The following TMEM135 variants were observed in gnomAD, a reference collection of about 807,000 sequenced individuals.
TMEM135 encodes the protein transmembrane protein 135.
A neutral mutation model predicts 60.3 loss-of-function variants in TMEM135; 30 were observed. The observed-to-expected ratio is 0.50, with a 90% CI of 0.37 to 0.68. TMEM135 has a LOEUF of 0.68. Ranked by LOEUF, TMEM135 falls within the 30% of genes least tolerant of loss-of-function variation. The pLI is 0.00. For synonymous variants in TMEM135, 190 were observed against 186.7 expected, an observed-to-expected ratio of 1.02 and a Z score of -0.14; for missense variants, 468 against 548.8, an observed-to-expected ratio of 0.85 and a Z score of 1.47.
At position 87,193,678 on chromosome 11, in the gene TMEM135, A is replaced by G. The variant is rs1034316550; in HGVS notation, c.462+36272A>G. 2.6e-5 allele frequency among the ~76,000 whole-genome samples: 4 copies of G among 150,948 alleles called. No homozygotes were observed. The East Asian group carries it at 5.8e-4, about 22-fold the overall frequency. On this transcript the variant is annotated intron_variant, in intron 5 of 14. Transcript: ENST00000305494. ...TGTAATCAGAAATAAAGAATTAAGA[A>G]CTCAGTTAGGTTTTTTAAATTTTTT...
At chr11:87,178,783 TG>T (rs1462430398) in intron 5 of TMEM135, among the ~76,000 whole-genome samples, 1 of 152,122 alleles carries the variant, frequency 6.6e-6, no homozygotes, top group Non-Finnish European at 1.5e-5. Context: ...TTTTCATGAC[TG>T]AATAGTATTC....
chr11:87,315,889 C>T (rs1456641138), intron 12 of TMEM135, among the ~76,000 whole-genome samples: 1 of 151,848 alleles, frequency 6.6e-6, no homozygotes, highest in Non-Finnish European at 1.5e-5. Context: ...CATCTTTGGC[C>T]ATGAGAGCTT....
chr11:87,225,773 G>A (rs1940752618), intron 5 of TMEM135, among the ~76,000 whole-genome samples: 1 of 152,036 alleles, frequency 6.6e-6, no homozygotes, highest in African/African-American at 2.4e-5. Context: ...AGACAGTCCT[G>A]GCTTTGAGTC....
At chr11:87,179,727 C>T (rs1939467493) in intron 5 of TMEM135, among the ~76,000 whole-genome samples, 1 of 152,040 alleles carries the variant, frequency 6.6e-6, no homozygotes, top group Non-Finnish European at 1.5e-5. Context: ...AACAGTTGAC[C>T]ATAAATATCA....
intron 5 of TMEM135, among the ~76,000 whole-genome samples, chr11:87,232,739 A>T (rs1565495186): frequency 6.6e-6 from 1 of 152,152 alleles, no homozygotes; most frequent in East Asian, 1.9e-4. Context: ...GAAGATTTGT[A>T]TTCTATGTGT....
At chr11:87,119,638 T>A (rs1369206926) in intron 4 of TMEM135, among the ~76,000 whole-genome samples, 2 of 152,160 alleles carry the variant, frequency 1.3e-5, no homozygotes, top group Non-Finnish European at 2.9e-5. Flanking sequence ...GAGGTGGAGG[T>A]TGCAGTGAGC....
chr11:87,125,238 C>G (rs190261681), intron 4 of TMEM135, among the ~76,000 whole-genome samples: 1 of 152,170 alleles, frequency 6.6e-6, no homozygotes, highest in African/African-American at 2.4e-5. Flanking sequence ...AATGCGCTGT[C>G]TTTGTAGACC....
rs1034346636 is a variant in TMEM135, at chr11:87,318,021, G to A, written c.1078-116G>A. The A allele has an allele frequency of 1.4e-5, 11 of 782,924 alleles. No homozygotes were observed. The African/African-American group carries it at 1.7e-4, about 12-fold the overall frequency. 48.5% of individuals were successfully genotyped at this position (782,924 alleles called of 1,614,324 possible). A position where few individuals can be genotyped will look rare whatever the true frequency, so the allele number is the denominator to read the frequency against. On this transcript the variant is annotated intron_variant, in intron 12 of 14. Coordinates refer to ENST00000305494, the MANE Select transcript of TMEM135 (RefSeq NM_022918.4). Reference sequence around the variant, plus strand: ...TTATGAAAAATGTGACATCGTTTGAGCTCTGAAGGGAGTATTAGGATTCAG... The same window carrying A: ...TTATGAAAAATGTGACATCGTTTGAACTCTGAAGGGAGTATTAGGATTCAG...
intron 5 of TMEM135, among the ~76,000 whole-genome samples, chr11:87,167,163 T>G (rs1006543437): frequency 5.9e-5 from 9 of 152,212 alleles, no homozygotes; most frequent in Non-Finnish European, 1.2e-4. Context: ...TTTTGTATCC[T>G]GAGACTTTGC....
chr11:87,325,245 A>G lies in TMEM135; in HGVS notation c.*3912A>G, dbSNP rs1246576211. Reference sequence around the variant, plus strand: ...CTGTAGTTGCAAAAAGGGTAACTACAAAGAAATGAAACTGACTCTAGTGTG... The same window carrying G: ...CTGTAGTTGCAAAAAGGGTAACTACGAAGAAATGAAACTGACTCTAGTGTG... On this transcript the variant is annotated 3_prime_UTR_variant, in exon 15 of 15. Transcript: ENST00000305494. The G allele has an allele frequency of 2.2e-6, 1 of 454,094 alleles. No individual in the cohort carries two copies. The highest frequency in any genetic ancestry group is 2.3e-5 in the Admixed American group (1 of 42,558). The allele number at this position is 454,094 out of a possible 1,614,324, so 28.1% of individuals were successfully genotyped here.
At chr11:87,059,931 T>C (rs768824303) in intron 1 of TMEM135, among the ~76,000 whole-genome samples, 5 of 151,946 alleles carry the variant, frequency 3.3e-5, no homozygotes, top group Non-Finnish European at 7.4e-5. Flanking sequence ...CTGCATAAAA[T>C]GGTGAAAATC....
intron 6 of TMEM135, among the ~76,000 whole-genome samples, chr11:87,252,788 T>TAAAA (rs147892243): frequency 2.3e-4 from 27 of 114,978 alleles, no homozygotes; most frequent in Admixed American, 2.3e-3. Context: ...AAAAAAAAAT[T>TAAAA]AAAATATATA....
chr11:87,183,256 C>A (rs1030256659), intron 5 of TMEM135, among the ~76,000 whole-genome samples: 4 of 150,808 alleles, frequency 2.7e-5, no homozygotes, highest in Non-Finnish European at 5.9e-5. Context: ...GATTCTCCTG[C>A]CTCAGCCTCC....
chr11:87,168,791 G>T (rs1281087357), intron 5 of TMEM135, among the ~76,000 whole-genome samples: 1 of 152,138 alleles, frequency 6.6e-6, no homozygotes, highest in Non-Finnish European at 1.5e-5. Context: ...GTTGATTTGG[G>T]TTGGAGATTT....
intron 2 of TMEM135, among the ~76,000 whole-genome samples, chr11:87,069,478 G>A (rs1856734328): frequency 6.6e-6 from 1 of 152,044 alleles, no homozygotes; most frequent in African/African-American, 2.4e-5. Flanking sequence ...GGTCAGGGTG[G>A]AATTGAAAAT....
rs1318976501 is a variant in TMEM135 at position 87,326,799 on chromosome 11, A to G, written c.*5466A>G. 4.5e-6 allele frequency: 2 copies of G among 445,876 alleles called. No homozygotes were observed. The highest frequency in any genetic ancestry group is 7.0e-5 in the East Asian group (1 of 14,368). The allele number at this position is 445,876 out of a possible 1,614,324, so 27.6% of individuals were successfully genotyped here. On this transcript the variant is annotated 3_prime_UTR_variant, in exon 15 of 15. Transcript: ENST00000305494. ...CAGTTGCATCTGAATCTGAGTCGGC[A>G]GTTTTTGATAGCCTGTCACTGCTCA... is the stretch of plus-strand genomic sequence containing the variant.
chr11:87,235,413 T>G (rs1007405577), intron 5 of TMEM135, among the ~76,000 whole-genome samples: 5 of 151,872 alleles, frequency 3.3e-5, no homozygotes, highest in Non-Finnish European at 5.9e-5. Flanking sequence ...CTCTTTTTCA[T>G]TGGTATATTT....
At chr11:87,197,340 C>G (rs1487973829) in intron 5 of TMEM135, among the ~76,000 whole-genome samples, 2 of 152,034 alleles carry the variant, frequency 1.3e-5, no homozygotes, top group African/African-American at 4.8e-5. Flanking sequence ...TAAAACGTAT[C>G]AGACTCTCAT....
intron 4 of TMEM135, among the ~76,000 whole-genome samples, chr11:87,105,166 G>C (rs1437789020): frequency 6.6e-6 from 1 of 152,130 alleles, no homozygotes; most frequent in Non-Finnish European, 1.5e-5. Flanking sequence ...ATGATCATAA[G>C]GTTTTCATCC....
Sources: allele counts gnomAD v4.1 joint callset (sites outside exome capture counted in the v4.1 genomes callset), GRCh38; gene constraint gnomAD v4.1.1; transcripts MANE v1.5; gene names NCBI Gene and HGNC (gene_info 2026-07-23, HGNC 2026-07-21).